Variants in DMD observed in about 807,000 individuals in gnomAD.
DMD encodes dystrophin.
DMD carries 63 observed loss-of-function variants against 330.1 expected under a neutral mutation model. The observed-to-expected ratio is 0.19, with a 90% confidence interval of 0.16 to 0.24. DMD has a LOEUF of 0.24. Ranked by LOEUF, DMD falls within the 10% of genes least tolerant of loss-of-function variation. The probability of loss-of-function intolerance (pLI) is 1.00; values close to 1 mark genes in which losing one functional copy is unlikely to be tolerated. For synonymous variants in DMD, 1,223 were observed against 959.8 expected, an observed-to-expected ratio of 1.27 and a Z score of -5.07; for missense variants, 3,344 against 2,684.1, an observed-to-expected ratio of 1.25 and a Z score of -5.43.
chrX:32,359,437 A>G (rs987283562), intron 37 of DMD, among the ~76,000 whole-genome samples: 2 of 111,744 alleles, frequency 1.8e-5, no homozygotes, highest in South Asian at 7.4e-4. Context: ...TACTTTTTTT[A>G]TCACCATAGT....
At chrX:32,567,527 C>T (rs1289573931) in intron 15 of DMD, among the ~76,000 whole-genome samples, 1 of 111,249 alleles carries the variant, frequency 9.0e-6, no homozygotes, top group Admixed American at 9.6e-5. Flanking sequence ...TCACGAGTAG[C>T]TGGTATTATA....
intron 32 of DMD, among the ~76,000 whole-genome samples, chrX:32,387,481 G>T (rs756074425): frequency 9.9e-5 from 11 of 111,196 alleles, no homozygotes; most frequent in Admixed American, 3.8e-4. Flanking sequence ...CTGACAGTAG[G>T]TAATTGTTTT....
chrX:31,788,664 G>T (rs2149303225), intron 50 of DMD, among the ~76,000 whole-genome samples: 1 of 110,590 alleles, frequency 9.0e-6, no homozygotes, highest in African/African-American at 3.3e-5. Context: ...GTTGAATTTG[G>T]GGTAGAAGTC....
intron 44 of DMD, among the ~76,000 whole-genome samples, chrX:32,097,675 T>C (rs2096517669): frequency 8.9e-6 from 1 of 112,293 alleles, no homozygotes; most frequent in South Asian, 3.7e-4. Context: ...ATACCTATAA[T>C]AACTAAATTC....
At chrX:32,629,394 CTATCTT>C (rs2058586372) in intron 11 of DMD, among the ~76,000 whole-genome samples, 1 of 111,574 alleles carries the variant, frequency 9.0e-6, no homozygotes, top group Admixed American at 9.5e-5. Context: ...TATTTTCAGT[CTATCTT>C]TATCTTTATT....
At chrX:32,198,730 G>C (rs939354343) in intron 44 of DMD, among the ~76,000 whole-genome samples, 6 of 111,752 alleles carry the variant, frequency 5.4e-5, no homozygotes, top group Non-Finnish European at 5.7e-5. Flanking sequence ...TGAAAATTAT[G>C]TTTCTTCATA....
chrX:31,242,700 ATGTGTGTGTGTG>A (rs3138883), intron 63 of DMD, among the ~76,000 whole-genome samples: 3 of 95,094 alleles, frequency 3.2e-5, no homozygotes, highest in African/African-American at 7.8e-5. Context: ...ACAATAAGAT[ATGTGTGTGTGTG>A]TGTGTGTGTG....
intron 44 of DMD, among the ~76,000 whole-genome samples, chrX:31,987,263 T>A (rs775004243): frequency 1.0e-3 from 114 of 111,946 alleles, no homozygotes; most frequent in Non-Finnish European, 1.9e-3. Flanking sequence ...AATTAGCATA[T>A]CACCTCAAAC....
chrX:32,102,526 T>A (rs1423983589), intron 44 of DMD, among the ~76,000 whole-genome samples: 1 of 111,301 alleles, frequency 9.0e-6, no homozygotes, highest in Non-Finnish European at 1.9e-5. Context: ...ATAACACAGT[T>A]ACTTTAGAAT....
At chrX:31,171,325 A>G (rs55670679) in intron 73 of DMD, among the ~76,000 whole-genome samples, 3,420 of 111,590 alleles carry the variant, frequency 0.031, 126 homozygotes, top group African/African-American at 0.1. Context: ...ATAACTAGTT[A>G]TATATATGCC....
At chrX:32,931,914 G>C (rs2089628177) in intron 2 of DMD, among the ~76,000 whole-genome samples, 1 of 111,913 alleles carries the variant, frequency 8.9e-6, no homozygotes, top group African/African-American at 3.2e-5. Context: ...TGGTAGCTAT[G>C]ACAAATTAAA....
At chrX:32,652,287 TC>T (rs1360697511) in intron 9 of DMD, among the ~76,000 whole-genome samples, 1 of 46,414 alleles carries the variant, frequency 2.2e-5, no homozygotes, top group Non-Finnish European at 3.6e-5. Context: ...CCCTCCCCCC[TC>T]CCCCCACCCC....
At chrX:32,341,630 T>C (rs1005126288) in intron 41 of DMD, among the ~76,000 whole-genome samples, 1 of 112,006 alleles carries the variant, frequency 8.9e-6, no homozygotes, top group African/African-American at 3.2e-5. Context: ...TAAGCTATTA[T>C]TCTTCAAGTC....
intron 2 of DMD, among the ~76,000 whole-genome samples, chrX:32,936,059 C>CA (rs1437382170): frequency 3.6e-5 from 4 of 110,335 alleles, no homozygotes; most frequent in African/African-American, 1.3e-4. Flanking sequence ...ATTTCACACA[C>CA]ACAAAAAAAA....
At chrX:33,295,205 A>C (rs1372710300) in intron 1 of DMD, among the ~76,000 whole-genome samples, 1 of 111,023 alleles carries the variant, frequency 9.0e-6, no homozygotes, top group Non-Finnish European at 1.9e-5. Flanking sequence ...TAATTATTTT[A>C]CTACATTTCA....
intron 44 of DMD, among the ~76,000 whole-genome samples, chrX:32,155,728 G>C (rs1316623588): frequency 9.0e-6 from 1 of 111,484 alleles, no homozygotes; most frequent in Non-Finnish European, 1.9e-5. Flanking sequence ...ATACTTTAAG[G>C]AAGATCATTT....
chrX:31,187,717 CAGAGAGAGAG>C lies in DMD; in HGVS notation c.9808-4823_9808-4814del, dbSNP rs55674554. Among the ~76,000 whole-genome samples, 262 of 66,714 alleles carry C rather than the reference CAGAGAGAGAG, an allele frequency of 3.9e-3. 1 individual carries two copies. The highest frequency in any genetic ancestry group is 9.5e-3 in the South Asian group (9 of 947). 57.9% of individuals were successfully genotyped at this position (66,714 alleles called of 115,157 possible). ...CAGCTCTGGAATCTTCCCAGATTCT[CAGAGAGAGAG>C]AGAGAGAGAGAGAGAGAGAGAGAGA... On this transcript the variant is annotated intron_variant, in intron 67 of 78. Coordinates refer to ENST00000357033, the MANE Select transcript of DMD (RefSeq NM_004006.3).
At chrX:31,704,010 T>A (rs1314796791) in intron 52 of DMD, among the ~76,000 whole-genome samples, 3 of 111,936 alleles carry the variant, frequency 2.7e-5, no homozygotes, top group Non-Finnish European at 5.6e-5. Flanking sequence ...TTTTTGATTG[T>A]TTAAACTTCA....
chrX:32,901,412 T>TGCAATGAAATGTATGTAGGTAGGGTGGGG (rs1557127514), intron 2 of DMD, among the ~76,000 whole-genome samples: 1 of 111,695 alleles, frequency 9.0e-6, no homozygotes, highest in African/African-American at 3.3e-5. Context: ...TATTACTTCT[T>TGCAATGAAATGTATGTAGGTAGGGTGGGG]AAACTACAGT....
Sources: gnomAD v4.1 joint callset for allele counts (sites outside exome capture counted in the v4.1 genomes callset) on GRCh38, gnomAD v4.1.1 for gene constraint, MANE v1.5 for transcripts, NCBI Gene and HGNC (gene_info 2026-07-23, HGNC 2026-07-21) for gene names.